PRDM8: variants seen among roughly 807,000 people sequenced by gnomAD.
PRDM8 encodes the protein PR/SET domain 8.
In PRDM8, 13 loss-of-function variants were observed where a neutral mutation model predicts 46.5. The ratio of observed to expected loss-of-function variants is 0.28; its 90% confidence interval spans 0.18 to 0.44. The LOEUF (loss-of-function observed/expected upper bound fraction) is 0.44. Ranked by LOEUF, PRDM8 falls within the 20% of genes least tolerant of loss-of-function variation. The pLI is 1.00. For missense variants in PRDM8, 998 were observed against 955.0 expected (o/e 1.04, Z -0.59); for synonymous variants, 473 against 438.4 (o/e 1.08, Z -0.98).
chr4:80,196,783 C>A (rs1422755573), upstream of PRDM8, among the ~76,000 whole-genome samples: 2 of 152,106 alleles, frequency 1.3e-5, no homozygotes, highest in African/African-American at 4.8e-5. Flanking sequence ...CAGTAACCTG[C>A]GCTCTTCCCA....
At chr4:80,199,018 T>TTTTTTTA (rs1553904883) in intron 1 of PRDM8, among the ~76,000 whole-genome samples, 13 of 89,194 alleles carry the variant, frequency 1.5e-4, no homozygotes, top group Admixed American at 1.3e-3. Context: ...TTTTTTTTTT[T>TTTTTTTA]AGTGATAAGT....
chr4:80,202,029 C>T lies in PRDM8; in HGVS notation c.567C>T (p.Pro189=). The part of the protein sequence containing the change: ...PKRLHSADIS[P]QDEQGGGVGT... ...GACTTCACAGCGCTGATATAAGTCC[C>T]CAAGACGAACAAGGCGGCGGCGTGG... The change falls in exon 4 of 4, where the codon CCC becomes CCT. Residue 189 remains proline (P), a synonymous_variant. Coordinates refer to ENST00000415738, the MANE Select transcript of PRDM8 (RefSeq NM_001099403.2). The T allele has an allele frequency of 1.2e-6, 2 of 1,614,146 alleles. No individual in the cohort carries two copies. The highest frequency in any genetic ancestry group is 1.6e-4 in the Middle Eastern group (1 of 6,062).
intron 1 of PRDM8, among the ~76,000 whole-genome samples, chr4:80,186,141 G>T (rs545124406): frequency 6.6e-6 from 1 of 152,280 alleles, no homozygotes; most frequent in South Asian, 2.1e-4. Flanking sequence ...AGCTTTTCCC[G>T]TTTGGTATAG....
chr4:80,191,236 C>T (rs564489097), intron 1 of PRDM8, among the ~76,000 whole-genome samples: 3 of 152,294 alleles, frequency 2.0e-5, no homozygotes, highest in South Asian at 2.1e-4. Flanking sequence ...CACACCCATA[C>T]CCATATATGC....
chr4:80,202,523 A>G lies in PRDM8; in HGVS notation c.1061A>G (p.Gln354Arg), dbSNP rs1738584938. ...SKEDLVCTPQ[Q>R]YRASGSYFGL... ...GAGGATCTGGTGTGCACACCGCAGC[A>G]GTACCGAGCCTCGGGCAGCTACTTC... The change falls in exon 4 of 4, where the codon CAG (glutamine) becomes CGG (arginine). Residue 354 changes from glutamine (Q) to arginine (R), a missense_variant. Gln to Arg is a conservative substitution (Grantham distance 43). Coordinates refer to ENST00000415738, the MANE Select transcript of PRDM8 (RefSeq NM_001099403.2). The G allele has an allele frequency of 6.5e-7, 1 of 1,528,526 alleles. No homozygotes were observed. The highest frequency in any genetic ancestry group is 8.8e-7 in the Non-Finnish European group (1 of 1,142,132). 94.7% of individuals were successfully genotyped at this position (1,528,526 alleles called of 1,614,324 possible).
chr4:80,192,587 T>C (rs1468133999), upstream of PRDM8, among the ~76,000 whole-genome samples: 1 of 152,174 alleles, frequency 6.6e-6, no homozygotes, highest in African/African-American at 2.4e-5. Flanking sequence ...GTCAACCCCC[T>C]TCACACTGAG....
rs149511008 is a variant in PRDM8, at chr4:80,203,746, C to CACACA, written c.*214_*215insACACA. 6.6e-6 allele frequency: 3 copies of CACACA among 452,820 alleles called. No individual in the cohort carries two copies. The highest frequency in any genetic ancestry group is 7.8e-6 in the Non-Finnish European group (2 of 254,882). 28.1% of individuals were successfully genotyped at this position (452,820 alleles called of 1,614,324 possible). On this transcript the variant is annotated 3_prime_UTR_variant, in exon 4 of 4. Coordinates refer to ENST00000415738, the MANE Select transcript of PRDM8 (RefSeq NM_001099403.2). The stretch of plus-strand genomic sequence containing the variant: ...ATTTACCCGGGACACACACCCCCCC[C>CACACA]CACACACACACACAGACACACTCAC...
At chr4:80,196,384 G>T (rs1408840991), upstream of PRDM8, 3 of 985,338 alleles carry the variant, frequency 3.0e-6, no homozygotes, top group Admixed American at 6.2e-5. Flanking sequence ...AAAGAAGCCC[G>T]AGATTCCCCA....
At chr4:80,198,259 A>G (rs1236082748) in intron 1 of PRDM8, among the ~76,000 whole-genome samples, 4 of 152,182 alleles carry the variant, frequency 2.6e-5, no homozygotes, top group African/African-American at 9.6e-5. Context: ...TTTTTGCCGT[A>G]TTGTTAGGTA....
intron 1 of PRDM8, among the ~76,000 whole-genome samples, chr4:80,190,447 G>A (rs1447167692): frequency 6.6e-6 from 1 of 152,212 alleles, no homozygotes; most frequent in Non-Finnish European, 1.5e-5. Context: ...CAAGGGCGAC[G>A]CCGGGCAGAC....
rs372621624 is a variant in PRDM8, at chr4:80,201,442, G to A, written c.372G>A (p.Glu124=). 41 of 1,614,238 alleles carry A rather than the reference G, an allele frequency of 2.5e-5. 1 individual carries two copies. Among genetic ancestry groups the A allele is most frequent in the African/African-American group, 2.5e-4 (19 of 75,070 alleles). ...CTCTCCGCAGGATTGCCAAAGACGA[G>A]GAGTTACTAGTTTGGTACGGGAAAG... ...YRSLRRIAKD[E]ELLVWYGKEL... The change falls in exon 3 of 4, where the codon GAG becomes GAA. Residue 124 remains glutamate, a synonymous_variant. Coordinates refer to ENST00000415738, the MANE Select transcript of PRDM8 (RefSeq NM_001099403.2).
chr4:80,201,207 C>G, intron 2 of PRDM8, 83 bp from the exon 3 acceptor site: 1 of 1,291,322 alleles, frequency 7.7e-7, no homozygotes, highest in Non-Finnish European at 1.1e-6. Flanking sequence ...AAGAAATGGT[C>G]TTGATTCTTC....
upstream of PRDM8, chr4:80,196,384 G>A: frequency 1.0e-6 from 1 of 985,454 alleles, no homozygotes; most frequent in Non-Finnish European, 1.2e-6. Flanking sequence ...AAAGAAGCCC[G>A]AGATTCCCCA....
Position 80,203,764 on chromosome 4 carries a change from ACACT to A in PRDM8, c.*236_*239del, listed in dbSNP as rs1437962365. On this transcript the variant is annotated 3_prime_UTR_variant, in exon 4 of 4. Transcript: ENST00000415738. ...CCCCCCCCCACACACACACACAGAC[ACACT>A]CACACACAAGAGCCAGGATGGTGGA... The A allele has an allele frequency of 1.7e-5, 7 of 416,232 alleles. No individual in the cohort carries two copies. The highest frequency in any genetic ancestry group is 1.6e-4 in the South Asian group (5 of 30,974). 25.8% of individuals were successfully genotyped at this position (416,232 alleles called of 1,614,324 possible).
intron 1 of PRDM8, among the ~76,000 whole-genome samples, chr4:80,198,996 T>C (rs10015252): frequency 4.1e-5 from 2 of 49,166 alleles, no homozygotes; most frequent in Admixed American, 3.9e-4. Flanking sequence ...TTTTTTTTGT[T>C]TTTTTTTTTT....
At chr4:80,201,888 G>T in intron 3 of PRDM8, 26 bp from the exon 4 acceptor site, 3 of 1,592,482 alleles carry the variant, frequency 1.9e-6, no homozygotes, top group Non-Finnish European at 2.6e-6. Context: ...GTGCGTGCGT[G>T]TGTGTGGTGT....
chr4:80,190,539 C>T (rs1013268918), intron 1 of PRDM8, among the ~76,000 whole-genome samples: 9 of 152,240 alleles, frequency 5.9e-5, no homozygotes, highest in Admixed American at 3.3e-4. Flanking sequence ...ACGATGTGAT[C>T]TGTGTCTGCG....
chr4:80,197,965 C>A (rs1361827151), intron 1 of PRDM8, among the ~76,000 whole-genome samples: 1 of 152,208 alleles, frequency 6.6e-6, no homozygotes, highest in Non-Finnish European at 1.5e-5. Context: ...GACTGGGGAG[C>A]GCGCGGCCGC....
chr4:80,203,110 C>T lies in PRDM8; in HGVS notation c.1648C>T (p.Gln550Ter). The change falls in exon 4 of 4, where the codon CAG (glutamine) becomes TAG (stop). Residue 550 changes from glutamine to a stop codon, truncating the protein, a stop_gained. Transcript: ENST00000415738. LOFTEE classifies it high-confidence loss of function. ...AAADPLAVKLQGAADLNGGCG... is the reference protein window; with the variant it reads ...AAADPLAVKL Reference sequence around the variant, plus strand: ...CGCGGACCCTCTAGCGGTGAAGCTCCAGGGGGCCGCGGACCTGAACGGAGG... The same window carrying T: ...CGCGGACCCTCTAGCGGTGAAGCTCTAGGGGGCCGCGGACCTGAACGGAGG... The T allele has an allele frequency of 6.4e-7, 1 of 1,569,774 alleles. No homozygotes were observed. The highest frequency in any genetic ancestry group is 8.6e-7 in the Non-Finnish European group (1 of 1,166,542).
Sources: gnomAD v4.1 joint callset for allele counts (sites outside exome capture counted in the v4.1 genomes callset) on GRCh38, gnomAD v4.1.1 for gene constraint, MANE v1.5 for transcripts, NCBI Gene and HGNC (gene_info 2026-07-23, HGNC 2026-07-21) for gene names.